Variants in DLGAP1 observed in about 807,000 individuals in gnomAD.
The protein encoded by DLGAP1 is disks large-associated protein 1.
Under a neutral mutation model 90.8 loss-of-function variants are expected in DLGAP1, and 11 were observed. The ratio of observed to expected loss-of-function variants is 0.12; its 90% confidence interval spans 0.08 to 0.20. The LOEUF (loss-of-function observed/expected upper bound fraction) is 0.20. Among genes scored for constraint, DLGAP1 ranks in the 10% least tolerant of loss-of-function variants. The pLI is 1.00. For missense variants in DLGAP1, 1,050 were observed against 1,333.8 expected (o/e 0.79, Z 3.31); for synonymous variants, 558 against 540.7 (o/e 1.03, Z -0.44).
chr18:4,012,467 G>A (rs550324569), intron 2 of DLGAP1, among the ~76,000 whole-genome samples: 2 of 152,214 alleles, frequency 1.3e-5, no homozygotes, highest in Non-Finnish European at 2.9e-5. Flanking sequence ...ATGGCACTGT[G>A]GACAGTTTCA....
chr18:3,539,321 T>C (rs1399687680), intron 9 of DLGAP1, among the ~76,000 whole-genome samples: 1 of 152,272 alleles, frequency 6.6e-6, no homozygotes, highest in Non-Finnish European at 1.5e-5. Context: ...AGTGGCTTGC[T>C]GTTTCCCAAC....
At chr18:3,973,765 T>C (rs968807096) in intron 3 of DLGAP1, among the ~76,000 whole-genome samples, 1 of 152,210 alleles carries the variant, frequency 6.6e-6, no homozygotes, top group African/African-American at 2.4e-5. Context: ...GGATCCATGT[T>C]AACCAGCTGA....
intron 2 of DLGAP1, among the ~76,000 whole-genome samples, chr18:4,005,615 TTAG>T (rs1211786097): frequency 2.0e-5 from 3 of 152,184 alleles, no homozygotes; most frequent in African/African-American, 4.8e-5. Context: ...AGTTCACAAT[TTAG>T]CAGGTCCCTT....
intron 1 of DLGAP1, among the ~76,000 whole-genome samples, chr18:4,189,774 T>C (rs539699019): frequency 6.6e-6 from 1 of 151,958 alleles, no homozygotes; most frequent in Non-Finnish European, 1.5e-5. Context: ...AATACATCAA[T>C]AGAACAGAAT....
intron 9 of DLGAP1, among the ~76,000 whole-genome samples, chr18:3,556,065 A>G (rs879727591): frequency 6.6e-6 from 1 of 152,220 alleles, no homozygotes; most frequent in Non-Finnish European, 1.5e-5. Flanking sequence ...ATTAAACAAA[A>G]CACCCCAGGA....
At chr18:3,671,475 TTA>T (rs1486288030) in intron 7 of DLGAP1, among the ~76,000 whole-genome samples, 5 of 152,174 alleles carry the variant, frequency 3.3e-5, no homozygotes, top group African/African-American at 1.2e-4. Context: ...TAAATGCTTG[TTA>T]AATAAGGGAA....
intron 5 of DLGAP1, among the ~76,000 whole-genome samples, chr18:3,799,460 C>T (rs1352929171): frequency 2.0e-5 from 3 of 150,612 alleles, no homozygotes; most frequent in South Asian, 4.2e-4. Context: ...GGGTGACCAG[C>T]AGACCCTGTT....
intron 2 of DLGAP1, among the ~76,000 whole-genome samples, chr18:4,027,431 G>C (rs2074719000): frequency 7.4e-6 from 1 of 135,576 alleles, no homozygotes; most frequent in Non-Finnish European, 1.5e-5. Flanking sequence ...GTTTGAATCC[G>C]GGAGGAGGAG....
intron 8 of DLGAP1, among the ~76,000 whole-genome samples, chr18:3,575,454 G>C (rs200212001): frequency 6.6e-6 from 1 of 152,072 alleles, no homozygotes; most frequent in Non-Finnish European, 1.5e-5. Flanking sequence ...GGAAGTAGAG[G>C]GGTCAGGGCC....
intron 4 of DLGAP1, among the ~76,000 whole-genome samples, chr18:3,859,245 T>C (rs1314845825): frequency 6.6e-6 from 1 of 152,134 alleles, no homozygotes; most frequent in Non-Finnish European, 1.5e-5. Flanking sequence ...ACCATATACG[T>C]GAAATATCCA....
intron 1 of DLGAP1, among the ~76,000 whole-genome samples, chr18:4,255,827 A>T (rs965645827): frequency 6.6e-6 from 1 of 152,218 alleles, no homozygotes; most frequent in Non-Finnish European, 1.5e-5. Context: ...ACATATAAAA[A>T]AGCTATTTTT....
At chr18:4,288,100 A>C (rs2079749022) in intron 1 of DLGAP1, among the ~76,000 whole-genome samples, 1 of 152,008 alleles carries the variant, frequency 6.6e-6, no homozygotes, top group South Asian at 2.1e-4. Flanking sequence ...TTTAGGGTAC[A>C]TGTGCACATT....
chr18:4,432,886 C>T (rs2083320033), intron 1 of DLGAP1, among the ~76,000 whole-genome samples: 2 of 152,020 alleles, frequency 1.3e-5, no homozygotes, highest in African/African-American at 2.4e-5. Context: ...AACAGGCCCT[C>T]GAGAAGTTAC....
chr18:3,577,826 A>T (rs757362937), intron 8 of DLGAP1, among the ~76,000 whole-genome samples: 1 of 152,230 alleles, frequency 6.6e-6, no homozygotes. Flanking sequence ...AGGGTAATCT[A>T]CTTAAATTTA....
intron 5 of DLGAP1, among the ~76,000 whole-genome samples, chr18:3,757,456 T>C (rs2063763606): frequency 6.6e-6 from 1 of 152,038 alleles, no homozygotes; most frequent in Non-Finnish European, 1.5e-5. Context: ...GGAAACTACC[T>C]ACTAATAGCC....
At chr18:4,139,225 T>C (rs2076455695) in intron 2 of DLGAP1, among the ~76,000 whole-genome samples, 1 of 151,960 alleles carries the variant, frequency 6.6e-6, no homozygotes, top group Admixed American at 6.6e-5. Context: ...AGGTTATTTG[T>C]AGTTTTTTCT....
chr18:3,930,794 C>T (rs998505736), intron 3 of DLGAP1, among the ~76,000 whole-genome samples: 3 of 152,148 alleles, frequency 2.0e-5, no homozygotes, highest in African/African-American at 4.8e-5. Context: ...TACCCAAGAA[C>T]CTCTTGAAAA....
intron 3 of DLGAP1, chr18:3,977,854 G>T: frequency 2.5e-6 from 1 of 393,490 alleles, no homozygotes; most frequent in Admixed American, 3.1e-5. Flanking sequence ...GGTCCCCTCT[G>T]ATGCCTGCTT....
At chr18:4,450,361 AG>A (rs2083789919) in intron 1 of DLGAP1, among the ~76,000 whole-genome samples, 1 of 152,318 alleles carries the variant, frequency 6.6e-6, no homozygotes, top group Middle Eastern at 3.4e-3. Context: ...TCACATACTC[AG>A]ATGTTCTCCA....
Sources: allele counts gnomAD v4.1 joint callset (sites outside exome capture counted in the v4.1 genomes callset), GRCh38; gene constraint gnomAD v4.1.1; transcripts MANE v1.5; gene names NCBI Gene and HGNC (gene_info 2026-07-23, HGNC 2026-07-21).